Variants in ESRP1 observed in about 807,000 individuals in gnomAD.
ESRP1 encodes RNA-binding motif protein 35A.
In ESRP1, 33 loss-of-function variants were observed where a neutral mutation model predicts 81.7. The observed-to-expected ratio is 0.40, with a 90% confidence interval of 0.31 to 0.54. The LOEUF (loss-of-function observed/expected upper bound fraction) is 0.54, where lower values mean the gene tolerates loss of function less well. ESRP1 is among the 20% of genes least tolerant of loss of function. ESRP1 has a pLI of 0.41. For missense variants in ESRP1, 672 were observed against 833.1 expected (o/e 0.81, Z 2.38); for synonymous variants, 320 against 303.3 (o/e 1.06, Z -0.57).
At chr8:94,654,119 G>A (rs1191291144) in intron 4 of ESRP1, among the ~76,000 whole-genome samples, 1 of 151,988 alleles carries the variant, frequency 6.6e-6, no homozygotes, top group Admixed American at 6.6e-5. Flanking sequence ...AGGAGTTTGA[G>A]AACAGCCTGG....
chr8:94,646,201 T>C lies in ESRP1; in HGVS notation c.409T>C (p.Phe137Leu), dbSNP rs1442230718. 1 of 1,612,434 alleles carries C rather than the reference T, an allele frequency of 6.2e-7. No individual in the cohort carries two copies. The highest frequency in any genetic ancestry group is 2.2e-5 in the East Asian group (1 of 44,796). ...ATTACCTGAATGCTTCTATTCCTTT[T>C]TTGATCTTCGAAAAGAATTCAAGAA... Reference protein sequence around the residue: ...VLLPECFYSFFDLRKEFKKCC... With the variant: ...VLLPECFYSFLDLRKEFKKCC... Residue 137 changes from phenylalanine to leucine, a missense_variant, in exon 4 of 16, where the codon TTT (phenylalanine) becomes CTT (leucine). Phe to Leu is a conservative substitution (Grantham distance 22). Transcript: ENST00000433389.
intron 13 of ESRP1, among the ~76,000 whole-genome samples, chr8:94,682,905 TA>T (rs1391855250): frequency 1.3e-3 from 24 of 17,950 alleles, no homozygotes; most frequent in East Asian, 4.8e-3. Context: ...TTCATTATTT[TA>T]TATATATATA....
At chr8:94,685,327 C>T (rs1182134365) in intron 13 of ESRP1, among the ~76,000 whole-genome samples, 1 of 151,984 alleles carries the variant, frequency 6.6e-6, no homozygotes. Flanking sequence ...TAAAAATAGA[C>T]AATATATGTC....
At chr8:94,669,663 C>G (rs980189820) in intron 10 of ESRP1, among the ~76,000 whole-genome samples, 4 of 151,806 alleles carry the variant, frequency 2.6e-5, no homozygotes, top group African/African-American at 9.7e-5. Context: ...CTCAGGAGTT[C>G]AAAACCAGCT....
intron 6 of ESRP1, among the ~76,000 whole-genome samples, chr8:94,664,195 C>T (rs931009297): frequency 6.2e-5 from 9 of 146,004 alleles, no homozygotes; most frequent in Non-Finnish European, 1.2e-4. Flanking sequence ...ACAATCTCAG[C>T]TCACTGCAGC....
At chr8:94,694,731 G>T (rs1293396470) in intron 14 of ESRP1, among the ~76,000 whole-genome samples, 2 of 152,210 alleles carry the variant, frequency 1.3e-5, no homozygotes, top group Non-Finnish European at 2.9e-5. Context: ...ACTTCAGTCT[G>T]TAGCAGTTTT....
At chr8:94,667,849 A>T (rs763779890) in intron 9 of ESRP1, 100 bp from the exon 10 acceptor site, 6 of 1,005,110 alleles carry the variant, frequency 6.0e-6, no homozygotes, top group Non-Finnish European at 8.7e-6. Flanking sequence ...GGTCTTCATT[A>T]TGAACTCAAG....
rs149242572 is a variant in ESRP1 at position 94,693,001 on chromosome 8, C to T, written c.1971+174C>T. On this transcript the variant is annotated intron_variant, in intron 14 of 15. Transcript: ENST00000433389. Reference sequence around the variant, plus strand: ...AGTCACTGTGGGGACCAACTTCAGACTCATCCCCTTGTCAGAAATTAAGGC... The same window carrying T: ...AGTCACTGTGGGGACCAACTTCAGATTCATCCCCTTGTCAGAAATTAAGGC... Among the ~76,000 whole-genome samples, 236 of 147,700 alleles carry T rather than the reference C, an allele frequency of 1.6e-3. 1 individual carries two copies. Among genetic ancestry groups the T allele is most frequent in the African/African-American group, 5.5e-3 (219 of 39,962 alleles).
At chr8:94,656,372 C>T (rs1818423438) in intron 4 of ESRP1, among the ~76,000 whole-genome samples, 1 of 152,046 alleles carries the variant, frequency 6.6e-6, no homozygotes, top group African/African-American at 2.4e-5. Flanking sequence ...GCGCGTGCCA[C>T]CACGCCCGGC....
intron 13 of ESRP1, among the ~76,000 whole-genome samples, chr8:94,683,924 C>T (rs1341324638): frequency 6.6e-6 from 1 of 152,142 alleles, no homozygotes; most frequent in Non-Finnish European, 1.5e-5. Context: ...CTCAGCTCAC[C>T]ACAACCTCCG....
At chr8:94,697,756 ACTTTTTCCTGTTTCTT>A (rs1214876758) in intron 15 of ESRP1, among the ~76,000 whole-genome samples, 2 of 151,976 alleles carry the variant, frequency 1.3e-5, no homozygotes, top group African/African-American at 2.4e-5. Context: ...GATTGGGTAT[ACTTTTTCCTGTTTCTT>A]CTTTTATGTT....
Position 94,678,292 on chromosome 8 carries a change from C to A in ESRP1, c.1741C>A (p.Pro581Thr). The change falls in exon 13 of 16, where the codon CCA becomes ACA. Residue 581 changes from proline to threonine, a missense_variant. Coordinates refer to ENST00000433389, the MANE Select transcript of ESRP1 (RefSeq NM_017697.4). ...AIYQPSVILN[P>T]RALQPSTAYY... is the part of the protein sequence containing the mutation. ...TTACCAGCCCTCTGTGATTTTGAAT[C>A]CACGAGCACTGCAGCCCTCCACAGC... The A allele has an allele frequency of 1.2e-6, 2 of 1,613,994 alleles. No homozygotes were observed. Among genetic ancestry groups the A allele is most frequent in the Non-Finnish European group, 1.7e-6 (2 of 1,179,874 alleles).
intron 13 of ESRP1, among the ~76,000 whole-genome samples, chr8:94,679,161 T>C (rs1563538265): frequency 6.6e-6 from 1 of 152,250 alleles, no homozygotes; most frequent in Non-Finnish European, 1.5e-5. Flanking sequence ...GGTCTCATAA[T>C]AACAGGCAAG....
At chr8:94,669,868 C>T (rs1185761819) in intron 10 of ESRP1, among the ~76,000 whole-genome samples, 6 of 140,694 alleles carry the variant, frequency 4.3e-5, no homozygotes, top group Non-Finnish European at 7.7e-5. Flanking sequence ...CTTTGTCTCC[C>T]GCTACCAAAA....
intron 9 of ESRP1, among the ~76,000 whole-genome samples, chr8:94,666,671 C>T (rs529717538): frequency 2.0e-5 from 3 of 152,180 alleles, no homozygotes; most frequent in Non-Finnish European, 4.4e-5. Flanking sequence ...TATATTTTTG[C>T]TCCAGTTCAT....
At chr8:94,658,190 G>A (rs1431608391) in intron 4 of ESRP1, among the ~76,000 whole-genome samples, 1 of 150,788 alleles carries the variant, frequency 6.6e-6, no homozygotes, top group Non-Finnish European at 1.5e-5. Flanking sequence ...TGGGATTACA[G>A]GCGTGAGCCA....
At chr8:94,642,171 C>T in intron 2 of ESRP1, 87 bp downstream of exon 2, 1 of 1,500,346 alleles carries the variant, frequency 6.7e-7, no homozygotes, top group East Asian at 2.3e-5. Flanking sequence ...CACGCGTGTT[C>T]CCGGAGCAGG....
chr8:94,641,237 T>G lies in ESRP1; in HGVS notation c.-82T>G. The G allele has an allele frequency of 7.3e-7, 1 of 1,372,968 alleles. No homozygotes were observed. The allele number at this position is 1,372,968 out of a possible 1,614,324, so 85.0% of individuals were successfully genotyped here. On this transcript the variant is annotated 5_prime_UTR_variant, in exon 1 of 16. Transcript: ENST00000433389. Reference sequence around the variant, plus strand: ...TCTTTCTTTTTCTCTTAGAAGAGGGTTTAGCACAGGTTTTTTCGTTCTCAC... The same window carrying G: ...TCTTTCTTTTTCTCTTAGAAGAGGGGTTAGCACAGGTTTTTTCGTTCTCAC...
chr8:94,695,124 A>C (rs530395688), intron 14 of ESRP1, among the ~76,000 whole-genome samples: 80 of 152,172 alleles, frequency 5.3e-4, no homozygotes, highest in African/African-American at 1.9e-3. Flanking sequence ...CATCTTCTTT[A>C]GATTTGGCAA....
Sources: allele counts gnomAD v4.1 joint callset (sites outside exome capture counted in the v4.1 genomes callset), GRCh38; gene constraint gnomAD v4.1.1; transcripts MANE v1.5; gene names NCBI Gene and HGNC (gene_info 2026-07-23, HGNC 2026-07-21).